The following SETD2 variants were observed in gnomAD, a reference collection of about 807,000 sequenced individuals.
SETD2 encodes histone-lysine N-methyltransferase SETD2.
In SETD2, 31 loss-of-function variants were observed where a neutral mutation model predicts 242.1. The observed-to-expected ratio is 0.13, with a 90% CI of 0.10 to 0.17. The LOEUF is 0.17. SETD2 is among the 10% of genes least tolerant of loss of function. SETD2 has a pLI of 1.00. For missense variants in SETD2, 2,481 were observed against 3,046.3 expected (o/e 0.81, Z 4.37); for synonymous variants, 1,006 against 1,066.5 (o/e 0.94, Z 1.11).
At chr3:47,159,051 G>C (rs562654928) in intron 1 of SETD2, among the ~76,000 whole-genome samples, 5 of 152,130 alleles carry the variant, frequency 3.3e-5, no homozygotes, top group Non-Finnish European at 7.4e-5. Context: ...GCTGAGGTGG[G>C]AGAATGGCTT....
At chr3:47,024,493 A>G (rs1185820165) in intron 18 of SETD2, among the ~76,000 whole-genome samples, 1 of 151,062 alleles carries the variant, frequency 6.6e-6, no homozygotes, top group African/African-American at 2.4e-5. Context: ...TAAACAAACA[A>G]ACAAACAAAT....
chr3:47,084,834 G>A (rs1057149627), intron 11 of SETD2, among the ~76,000 whole-genome samples: 1 of 150,950 alleles, frequency 6.6e-6, no homozygotes, highest in African/African-American at 2.4e-5. Flanking sequence ...TGGTTTAAGC[G>A]ATTCTCCTGC....
chr3:47,071,653 G>A (rs1454701250), intron 12 of SETD2, among the ~76,000 whole-genome samples: 6 of 151,684 alleles, frequency 4.0e-5, no homozygotes, highest in Non-Finnish European at 5.9e-5. Context: ...GATACTGCTG[G>A]AGATTGCCCA....
At chr3:47,106,649 T>A (rs944840405) in intron 5 of SETD2, among the ~76,000 whole-genome samples, 1 of 150,660 alleles carries the variant, frequency 6.6e-6, no homozygotes, top group African/African-American at 2.4e-5. Flanking sequence ...CCATCTCTAC[T>A]AAAAATACAA....
At position 47,017,746 on chromosome 3, in the gene SETD2, G is replaced by C. The variant is rs2038044236; in HGVS notation, c.7432-7C>G. Reference sequence around the variant, plus strand: ...GGACGATGAACTGGGACATCTGCAGGCAGAGAAAAGAGAACACGTTGCTCA... The same window carrying C: ...GGACGATGAACTGGGACATCTGCAGCCAGAGAAAAGAGAACACGTTGCTCA... On this transcript the variant is annotated splice_region_variant and splice_polypyrimidine_tract_variant and intron_variant, in intron 19 of 20. Coordinates refer to ENST00000409792, the MANE Select transcript of SETD2 (RefSeq NM_014159.7). The surrounding 1 kb of genome is among the most constrained non-coding windows in gnomAD (Gnocchi z 4.8). 1 of 1,603,568 alleles carries C rather than the reference G, an allele frequency of 6.2e-7. No homozygotes were observed. Among genetic ancestry groups the C allele is most frequent in the Non-Finnish European group, 8.5e-7 (1 of 1,170,326 alleles).
intron 7 of SETD2, among the ~76,000 whole-genome samples, chr3:47,102,883 C>T (rs1247936963): frequency 2.0e-5 from 3 of 151,944 alleles, no homozygotes; most frequent in South Asian, 2.1e-4. Flanking sequence ...AATAAAGAAT[C>T]CAAATACACA....
intron 1 of SETD2, among the ~76,000 whole-genome samples, chr3:47,155,320 GGAAA>G (rs1347260201): frequency 6.6e-6 from 1 of 152,146 alleles, no homozygotes; most frequent in Non-Finnish European, 1.5e-5. Context: ...CAGATATTTA[GGAAA>G]GAAAGATCAT....
chr3:47,058,789 G>A (rs1408856984), intron 14 of SETD2, among the ~76,000 whole-genome samples: 1 of 151,756 alleles, frequency 6.6e-6, no homozygotes, highest in Non-Finnish European at 1.5e-5. Flanking sequence ...CTACAAAGGG[G>A]CACAGGGGAA....
At chr3:47,068,496 T>A (rs75823716) in intron 12 of SETD2, among the ~76,000 whole-genome samples, 2 of 26,834 alleles carry the variant, frequency 7.5e-5, no homozygotes, top group African/African-American at 5.8e-4. Context: ...ACACTATCTT[T>A]TTTTTTTTTT....
chr3:47,154,993 C>CAAA (rs202104622), intron 1 of SETD2, among the ~76,000 whole-genome samples: 2 of 139,970 alleles, frequency 1.4e-5, no homozygotes, highest in African/African-American at 5.2e-5. Context: ...GACTCCATCT[C>CAAA]AAAAAAAAAA....
At chr3:47,070,583 T>G (rs1203859319) in intron 12 of SETD2, among the ~76,000 whole-genome samples, 1 of 152,220 alleles carries the variant, frequency 6.6e-6, no homozygotes, top group Non-Finnish European at 1.5e-5. Context: ...GTCTTGTGAA[T>G]AATAGTATTA....
chr3:47,154,949 G>C (rs371748096), intron 1 of SETD2, among the ~76,000 whole-genome samples: 1 of 151,324 alleles, frequency 6.6e-6, no homozygotes, highest in African/African-American at 2.4e-5. Context: ...AGCCGAGATC[G>C]CACCACCGCA....
intron 18 of SETD2, among the ~76,000 whole-genome samples, chr3:47,029,552 C>G (rs563785835): frequency 1.5e-3 from 234 of 151,196 alleles, no homozygotes; most frequent in African/African-American, 5.4e-3. Context: ...ATACCTGGGA[C>G]TCTAACCCCC....
chr3:47,033,312 C>T (rs2038857855), intron 18 of SETD2, among the ~76,000 whole-genome samples: 1 of 152,212 alleles, frequency 6.6e-6, no homozygotes, highest in South Asian at 2.1e-4. Flanking sequence ...CACTTTCTCA[C>T]AAAGTCCTCC....
intron 1 of SETD2, chr3:47,163,645 C>T: frequency 3.4e-6 from 1 of 290,452 alleles, no homozygotes; most frequent in Non-Finnish European, 6.0e-6. Context: ...GCAGCGGCGC[C>T]AACGCCGGGC....
chr3:47,075,151 A>T (rs2041001064), intron 12 of SETD2, among the ~76,000 whole-genome samples: 1 of 151,900 alleles, frequency 6.6e-6, no homozygotes, highest in African/African-American at 2.4e-5. Context: ...AAAAAAAAAA[A>T]ATCTCTGCAG....
chr3:47,069,045 G>T (rs943234142), intron 12 of SETD2, among the ~76,000 whole-genome samples: 1 of 152,020 alleles, frequency 6.6e-6, no homozygotes, highest in African/African-American at 2.4e-5. Context: ...TGCCCACCTT[G>T]GCCTCCCAAA....
intron 1 of SETD2, among the ~76,000 whole-genome samples, chr3:47,161,444 CACTA>C (rs1697486407): frequency 6.6e-6 from 1 of 152,180 alleles, no homozygotes. Flanking sequence ...GCATTATAAA[CACTA>C]ACTAGCTTAC....
At chr3:47,107,565 A>G (rs1575786317) in intron 5 of SETD2, among the ~76,000 whole-genome samples, 1 of 152,178 alleles carries the variant, frequency 6.6e-6, no homozygotes, top group East Asian at 1.9e-4. Context: ...TATTACCTCT[A>G]TAACCAATAT....
Sources: gnomAD v4.1 joint callset for allele counts (sites outside exome capture counted in the v4.1 genomes callset) on GRCh38, gnomAD v4.1.1 for gene constraint, Gnocchi (gnomAD v3.1) non-coding constraint, MANE v1.5 for transcripts, NCBI Gene and HGNC (gene_info 2026-07-23, HGNC 2026-07-21) for gene names.